PAPPA: variants seen among roughly 807,000 people sequenced by gnomAD.
PAPPA encodes pappalysin 1.
In PAPPA, 60 loss-of-function variants were observed where a neutral mutation model predicts 164.0. The observed-to-expected ratio is 0.37, with a 90% CI of 0.30 to 0.45. PAPPA has a LOEUF of 0.45. Ranked by LOEUF, PAPPA falls within the 20% of genes least tolerant of loss-of-function variation. PAPPA has a pLI of 1.00. For synonymous variants in PAPPA, 875 were observed against 814.1 expected, an observed-to-expected ratio of 1.07 and a Z score of -1.27; for missense variants, 1,782 against 2,087.3, an observed-to-expected ratio of 0.85 and a Z score of 2.85.
At chr9:116,183,690 C>T (rs894644333) in intron 1 of PAPPA, among the ~76,000 whole-genome samples, 1 of 152,282 alleles carries the variant, frequency 6.6e-6, no homozygotes, top group South Asian at 2.1e-4. Context: ...CTTGTGAAGC[C>T]GCTGCTTCAA....
intron 1 of PAPPA, among the ~76,000 whole-genome samples, chr9:116,172,742 A>T (rs1210272939): frequency 2.0e-5 from 3 of 152,212 alleles, no homozygotes; most frequent in African/African-American, 7.2e-5. Context: ...GCCAGAGGAA[A>T]TACTAACCTG....
intron 10 of PAPPA, among the ~76,000 whole-genome samples, chr9:116,313,436 C>T (rs1040889667): frequency 2.0e-5 from 3 of 152,216 alleles, no homozygotes; most frequent in African/African-American, 7.2e-5. Flanking sequence ...GGTCTACTGG[C>T]AAGATACTGC....
chr9:116,337,385 C>A (rs1416924109), intron 13 of PAPPA, among the ~76,000 whole-genome samples: 3 of 152,240 alleles, frequency 2.0e-5, no homozygotes, highest in Non-Finnish European at 2.9e-5. Flanking sequence ...CAGGACTCTG[C>A]AAACATGCAA....
intron 4 of PAPPA, among the ~76,000 whole-genome samples, chr9:116,213,669 T>G (rs1358025778): frequency 6.6e-6 from 1 of 151,226 alleles, no homozygotes; most frequent in Admixed American, 6.6e-5. Context: ...AAACTAAATC[T>G]TTTTTTTTCC....
At position 116,400,417 on chromosome 9, in the gene PAPPA, G is replaced by A. The variant is rs1847034048; in HGVS notation, c.*3801G>A. The A allele has an allele frequency of 6.6e-6, 1 of 152,034 alleles. No homozygotes were observed. The highest frequency in any genetic ancestry group is 1.5e-5 in the Non-Finnish European group (1 of 68,002). The allele number at this position is 152,034 out of a possible 1,614,324, so 9.4% of individuals were successfully genotyped here. A position where few individuals can be genotyped will look rare whatever the true frequency, so the allele number is the denominator to read the frequency against. Reference sequence around the variant, plus strand: ...GTTATTGTTGTTGTTGGGTGGGGTGGGCATTTTGTTTATTTGTTTGGTGGC... The same window carrying A: ...GTTATTGTTGTTGTTGGGTGGGGTGAGCATTTTGTTTATTTGTTTGGTGGC... On this transcript the variant is annotated 3_prime_UTR_variant, in exon 22 of 22. Transcript: ENST00000328252.
intron 1 of PAPPA, among the ~76,000 whole-genome samples, chr9:116,181,637 C>G (rs543350023): frequency 5.1e-4 from 78 of 152,280 alleles, no homozygotes; most frequent in African/African-American, 1.7e-3. Flanking sequence ...GGGAGGCAGC[C>G]AAAAGCATGG....
chr9:116,282,410 C>T (rs572385427), intron 9 of PAPPA, among the ~76,000 whole-genome samples: 2 of 152,296 alleles, frequency 1.3e-5, no homozygotes, highest in South Asian at 4.1e-4. Flanking sequence ...GCATAGACTG[C>T]ATATATTTCC....
intron 21 of PAPPA, among the ~76,000 whole-genome samples, chr9:116,385,976 G>A (rs543772487): frequency 6.6e-6 from 1 of 152,220 alleles, no homozygotes; most frequent in Non-Finnish European, 1.5e-5. Flanking sequence ...CAGCATGAAG[G>A]TCCGAGAAAG....
intron 13 of PAPPA, among the ~76,000 whole-genome samples, chr9:116,339,656 C>G (rs1846108982): frequency 6.6e-6 from 1 of 152,168 alleles, no homozygotes; most frequent in Non-Finnish European, 1.5e-5. Context: ...ATCTGAGCAA[C>G]CCAGAATGAT....
intron 8 of PAPPA, among the ~76,000 whole-genome samples, chr9:116,267,824 G>A (rs1380659122): frequency 7.0e-6 from 1 of 142,720 alleles, no homozygotes; most frequent in Admixed American, 7.4e-5. Context: ...GCAGTGAGCC[G>A]AGATTGCGCC....
intron 6 of PAPPA, among the ~76,000 whole-genome samples, chr9:116,229,315 A>G (rs916637528): frequency 5.9e-5 from 9 of 152,218 alleles, no homozygotes; most frequent in African/African-American, 2.2e-4. Flanking sequence ...TTTTCATACA[A>G]TTACATATGA....
chr9:116,192,764 T>C (rs1002948057), intron 2 of PAPPA, among the ~76,000 whole-genome samples: 6 of 152,214 alleles, frequency 3.9e-5, no homozygotes, highest in African/African-American at 1.4e-4. Flanking sequence ...CAGGACTTCA[T>C]CTGCAGCCAT....
chr9:116,167,770 T>G (rs1364657039), intron 1 of PAPPA, among the ~76,000 whole-genome samples: 2 of 152,176 alleles, frequency 1.3e-5, no homozygotes, highest in South Asian at 4.2e-4. Flanking sequence ...GGATGACCCC[T>G]TTACAGAAAA....
chr9:116,281,038 G>A (rs933106144), intron 9 of PAPPA, among the ~76,000 whole-genome samples: 14 of 150,690 alleles, frequency 9.3e-5, no homozygotes, highest in Admixed American at 6.6e-5. Context: ...ATAACACTAC[G>A]ACAATTTAAA....
chr9:116,188,818 G>A (rs543218130), intron 2 of PAPPA, among the ~76,000 whole-genome samples: 4 of 152,146 alleles, frequency 2.6e-5, no homozygotes, highest in Non-Finnish European at 4.4e-5. Flanking sequence ...TCTTCATTTT[G>A]TAACTTCTTA....
intron 1 of PAPPA, among the ~76,000 whole-genome samples, chr9:116,169,008 G>T (rs1843745054): frequency 6.6e-6 from 1 of 152,136 alleles, no homozygotes; most frequent in African/African-American, 2.4e-5. Flanking sequence ...GATTAGAGAT[G>T]GCTCCAAATA....
chr9:116,381,205 C>A (rs1248449921), intron 20 of PAPPA, among the ~76,000 whole-genome samples: 2 of 152,158 alleles, frequency 1.3e-5, no homozygotes, highest in African/African-American at 4.8e-5. Flanking sequence ...TAACCAAAAC[C>A]ATGAAGTAAC....
intron 6 of PAPPA, among the ~76,000 whole-genome samples, chr9:116,230,180 G>C (rs924999761): frequency 2.0e-5 from 3 of 152,138 alleles, no homozygotes; most frequent in African/African-American, 7.2e-5. Flanking sequence ...AAAAGACACT[G>C]TTCTTTTTTT....
chr9:116,195,597 G>A (rs1844094722), intron 2 of PAPPA, among the ~76,000 whole-genome samples: 2 of 152,182 alleles, frequency 1.3e-5, no homozygotes, highest in African/African-American at 2.4e-5. Flanking sequence ...TGCATTGGGT[G>A]GTTTAGAGGA....
Sources: gnomAD v4.1 joint callset for allele counts (sites outside exome capture counted in the v4.1 genomes callset) on GRCh38, gnomAD v4.1.1 for gene constraint, MANE v1.5 for transcripts, NCBI Gene and HGNC (gene_info 2026-07-23, HGNC 2026-07-21) for gene names.